Variants in QPCT observed in about 807,000 individuals in gnomAD.
The protein encoded by QPCT is glutaminyl-peptide cyclotransferase.
Under a neutral mutation model 43.4 loss-of-function variants are expected in QPCT, and 44 were observed. The observed-to-expected ratio is 1.01, with a 90% confidence interval of 0.80 to 1.30. The LOEUF is 1.30. Ranked by LOEUF, QPCT falls within the 50% of genes most tolerant of loss-of-function variation. The pLI, the probability that QPCT is intolerant of heterozygous loss-of-function variation, is 0.00. For synonymous variants in QPCT, 168 were observed against 168.4 expected (o/e 1.00, Z 0.02); for missense variants, 526 against 436.5 (o/e 1.21, Z -1.83).
At chr2:37,365,809 G>T (rs1470571804) in intron 3 of QPCT, among the ~76,000 whole-genome samples, 3 of 152,174 alleles carry the variant, frequency 2.0e-5, no homozygotes, top group Non-Finnish European at 2.9e-5. Context: ...GGGAGAGGAG[G>T]AATGTGAAAT....
intron 1 of QPCT, among the ~76,000 whole-genome samples, chr2:37,352,477 A>G (rs556520789): frequency 1.3e-5 from 2 of 152,058 alleles, no homozygotes; most frequent in Non-Finnish European, 2.9e-5. Context: ...GCATGCACCA[A>G]TGCGTCACCA....
At chr2:37,354,158 C>T (rs570356862) in intron 2 of QPCT, among the ~76,000 whole-genome samples, 1 of 152,372 alleles carries the variant, frequency 6.6e-6, no homozygotes, top group East Asian at 1.9e-4. Context: ...GCCACCGCGT[C>T]CGGCTGAGCT....
intron 1 of QPCT, among the ~76,000 whole-genome samples, chr2:37,348,398 C>A (rs1193727124): frequency 6.6e-6 from 1 of 152,188 alleles, no homozygotes; most frequent in Non-Finnish European, 1.5e-5. Context: ...CAGTTCCTAA[C>A]TATTCCCCCA....
In QPCT at chr2:37,344,688, C is replaced by A; in HGVS notation, c.-44C>A. 6.4e-7 allele frequency: 1 copy of A among 1,565,556 alleles called. No homozygotes were observed. Among genetic ancestry groups the A allele is most frequent in the Non-Finnish European group, 8.6e-7 (1 of 1,157,618 alleles). ...AGGACGCGCGTTCCCGGGCTCGTGA[C>A]CGCCAGCGGCCCGGGGAACCCGCTC... is the stretch of plus-strand genomic sequence containing the variant. On this transcript the variant is annotated 5_prime_UTR_variant, in exon 1 of 7. Transcript: ENST00000338415.
chr2:37,346,600 A>G (rs1179454875), intron 1 of QPCT, among the ~76,000 whole-genome samples: 1 of 152,232 alleles, frequency 6.6e-6, no homozygotes. Flanking sequence ...TTAACTTTTG[A>G]GAAACGTCTT....
At chr2:37,345,000 A>C in intron 1 of QPCT, 149 bp downstream of exon 1, 1 of 1,211,060 alleles carries the variant, frequency 8.3e-7, no homozygotes, top group Non-Finnish European at 1.1e-6. Context: ...CGGCGCCCGG[A>C]GGAGTCGGGG....
At chr2:37,345,910 A>T (rs1644557276) in intron 1 of QPCT, among the ~76,000 whole-genome samples, 1 of 152,076 alleles carries the variant, frequency 6.6e-6, no homozygotes. Context: ...TTTCTTGTGT[A>T]ACAGTTTTGA....
In QPCT at chr2:37,372,853, G is replaced by T. The variant is rs773772677; in HGVS notation, c.*26G>T. 10 of 1,567,852 alleles carry T rather than the reference G, an allele frequency of 6.4e-6. No individual in the cohort carries two copies. Among genetic ancestry groups the T allele is most frequent in the Admixed American group, 1.9e-5 (1 of 53,630 alleles). ...TACTCTGATTTAGTTTAGGATAATT[G>T]GTTCTAGAATTGAATTCAAAAGTCA... On this transcript the variant is annotated 3_prime_UTR_variant, in exon 7 of 7. Coordinates refer to ENST00000338415, the MANE Select transcript of QPCT (RefSeq NM_012413.4).
At chr2:37,364,782 C>T (rs745667924) in intron 3 of QPCT, among the ~76,000 whole-genome samples, 5 of 151,996 alleles carry the variant, frequency 3.3e-5, no homozygotes, top group East Asian at 1.9e-4. Context: ...TGTCTATTAA[C>T]GTCTATGTGG....
chr2:37,359,942 A>G (rs982586154), intron 3 of QPCT, 84 bp downstream of exon 3: 1 of 1,381,976 alleles, frequency 7.2e-7, no homozygotes, highest in African/African-American at 1.5e-5. Context: ...TGGAGGAATG[A>G]GAAGGCCATT....
intron 6 of QPCT, 58 bp from the exon 7 acceptor site, chr2:37,372,623 CT>C: frequency 6.4e-7 from 1 of 1,563,086 alleles, no homozygotes; most frequent in South Asian, 1.1e-5. Context: ...AAGAATGACC[CT>C]TTCTAGTTTA....
At position 37,372,424 on chromosome 2, in the gene QPCT, A is replaced by G. The variant is rs763106664; in HGVS notation, c.892A>G (p.Ser298Gly). ...SLEGRYFQNY[S>G]YGGVIQDDHI... ...GGAGGGGCGGTATTTCCAGAATTACAGTTATGGAGGTGTGATTCAGGATGA... is the reference window on the plus strand; with the variant it reads ...GGAGGGGCGGTATTTCCAGAATTACGGTTATGGAGGTGTGATTCAGGATGA... Residue 298 changes from serine to glycine, a missense_variant, in exon 6 of 7, where the codon AGT becomes GGT. Physicochemically the swap from Ser to Gly is moderately conservative, Grantham distance 56. Transcript: ENST00000338415. 1 of 1,614,096 alleles carries G rather than the reference A, an allele frequency of 6.2e-7. No individual in the cohort carries two copies. Among genetic ancestry groups the G allele is most frequent in the Non-Finnish European group, 8.5e-7 (1 of 1,179,976 alleles).
chr2:37,372,172 G>GTCCC (rs1673090289), intron 5 of QPCT, among the ~76,000 whole-genome samples, 184 bp from the exon 6 acceptor site: 1 of 152,118 alleles, frequency 6.6e-6, no homozygotes, highest in African/African-American at 2.4e-5. Flanking sequence ...CTGCTCCAAA[G>GTCCC]TGTACACATC....
At chr2:37,358,189 G>A (rs1388881488) in intron 2 of QPCT, among the ~76,000 whole-genome samples, 2 of 150,084 alleles carry the variant, frequency 1.3e-5, no homozygotes, top group Non-Finnish European at 3.0e-5. Context: ...GAGGCGGATG[G>A]ATCACTTGAG....
At chr2:37,368,484 T>C (rs565404259) in intron 4 of QPCT, 1 of 416,860 alleles carries the variant, frequency 2.4e-6, no homozygotes, top group South Asian at 1.8e-5. Context: ...TGTGAACTGA[T>C]AGCTTATTCC....
At chr2:37,350,129 A>C (rs746081621) in intron 1 of QPCT, among the ~76,000 whole-genome samples, 1 of 152,118 alleles carries the variant, frequency 6.6e-6, no homozygotes, top group Non-Finnish European at 1.5e-5. Context: ...AGCCAGGTGA[A>C]GAGGAGGGGA....
At chr2:37,346,929 T>C (rs535511680) in intron 1 of QPCT, among the ~76,000 whole-genome samples, 1 of 151,894 alleles carries the variant, frequency 6.6e-6, no homozygotes, top group East Asian at 1.9e-4. Context: ...ATCCATTTCC[T>C]TCGTTTTGAA....
intron 3 of QPCT, among the ~76,000 whole-genome samples, chr2:37,364,006 A>T (rs958359022): frequency 1.3e-5 from 2 of 152,232 alleles, no homozygotes; most frequent in African/African-American, 4.8e-5. Context: ...GTTAGGTCAT[A>T]TAAAAAGTAT....
intron 2 of QPCT, among the ~76,000 whole-genome samples, chr2:37,355,428 G>A (rs1040630117): frequency 1.3e-5 from 2 of 151,684 alleles, no homozygotes; most frequent in African/African-American, 2.4e-5. Flanking sequence ...TTGAACACTA[G>A]ATGAGATGTT....
Sources: allele counts gnomAD v4.1 joint callset (sites outside exome capture counted in the v4.1 genomes callset), GRCh38; gene constraint gnomAD v4.1.1; transcripts MANE v1.5; gene names NCBI Gene and HGNC (gene_info 2026-07-23, HGNC 2026-07-21).